EP400: variants seen among roughly 807,000 people sequenced by gnomAD.
EP400 encodes E1A binding protein p400.
Under a neutral mutation model 354.1 loss-of-function variants are expected in EP400, and 105 were observed. That is an observed-to-expected ratio of 0.30 (90% CI 0.25 to 0.35). EP400 has a LOEUF of 0.35. EP400 is among the 10% of genes least tolerant of loss of function. The pLI, the probability that EP400 is intolerant of heterozygous loss-of-function variation, is 1.00. For synonymous variants in EP400, 1,646 were observed against 1,716.9 expected (o/e 0.96, Z 1.02); for missense variants, 3,280 against 4,121.0 (o/e 0.80, Z 5.59).
intron 44 of EP400, 35 bp downstream of exon 44, chr12:132,055,054 C>A: frequency 4.3e-6 from 7 of 1,613,584 alleles, no homozygotes; most frequent in Non-Finnish European, 5.9e-6. Flanking sequence ...AATGTGGACC[C>A]CATTTCTCCT....
intron 2 of EP400, among the ~76,000 whole-genome samples, chr12:131,972,413 A>G (rs534971596): frequency 1.3e-5 from 2 of 152,224 alleles, no homozygotes; most frequent in South Asian, 4.1e-4. Context: ...TCGGCCTCCC[A>G]AAGTGCTGGG....
chr12:132,058,707 G>C (rs1261854029), intron 45 of EP400, among the ~76,000 whole-genome samples: 5 of 152,072 alleles, frequency 3.3e-5, no homozygotes, highest in South Asian at 2.1e-4. Context: ...TTAGAGCAGA[G>C]AGAAGTTCTA....
At chr12:131,970,015 C>T (rs1481772306) in intron 2 of EP400, among the ~76,000 whole-genome samples, 1 of 152,208 alleles carries the variant, frequency 6.6e-6, no homozygotes, top group Non-Finnish European at 1.5e-5. Context: ...TGCCACTGCA[C>T]TCCCTTGGGT....
chr12:132,064,792 A>C lies in EP400; in HGVS notation c.8459A>C (p.Gln2820Pro), dbSNP rs147294229. 71 of 1,612,874 alleles carry C rather than the reference A, an allele frequency of 4.4e-5. No homozygotes were observed. The Middle Eastern group carries it at 1.5e-3, about 34-fold the overall frequency. The change falls in exon 48 of 53, where the codon CAG becomes CCG. Residue 2820 changes from glutamine (Q) to proline (P), a missense_variant. Around this residue, in one of 20 missense-constraint regions of EP400, gnomAD observed 86 missense variants for 66.4 expected, o/e 1.29. Coordinates refer to ENST00000389561, the MANE Select transcript of EP400 (RefSeq NM_015409.5). Reference protein sequence around the residue: ...QVQVQTSQPPQQQSPQLTTVT... With the variant: ...QVQVQTSQPPPQQSPQLTTVT... ...CAAGTGCAGACCTCGCAGCCGCCGCAGCAGCAGAGCCCCCAGCTCACGACG... is the reference window on the plus strand; with the variant it reads ...CAAGTGCAGACCTCGCAGCCGCCGCCGCAGCAGAGCCCCCAGCTCACGACG...
At chr12:131,989,919 A>T in intron 7 of EP400, 45 bp from the exon 8 acceptor site, 1 of 1,589,106 alleles carries the variant, frequency 6.3e-7, no homozygotes, top group East Asian at 2.2e-5. Flanking sequence ...TTTTTCCAGC[A>T]TGACATAGAG....
rs1345078170 is a variant in EP400 at position 131,993,662 on chromosome 12, C to T, written c.2738-1205C>T. 2.0e-5 allele frequency among the ~76,000 whole-genome samples: 3 copies of T among 152,210 alleles called. No individual in the cohort carries two copies. In the East Asian group the frequency reaches 5.8e-4, roughly 29 times the overall value. ...GTTATGTGAACGTACAAAGTACTCA[C>T]CCAAACCTAGATGGTGCAGCCTGTG... On this transcript the variant is annotated intron_variant, in intron 11 of 52. Coordinates refer to ENST00000389561, the MANE Select transcript of EP400 (RefSeq NM_015409.5).
At position 132,029,909 on chromosome 12, in the gene EP400, C is replaced by G. The variant is rs79985228; in HGVS notation, c.5584+6C>G. 1.2e-6 allele frequency: 2 copies of G among 1,611,804 alleles called. No individual in the cohort carries two copies. Among genetic ancestry groups the G allele is most frequent in the Admixed American group, 3.3e-5 (2 of 60,012 alleles). ...GCTGGTGCAGTTCGACTCAGGTATG[C>G]GGCAGTTGGGGGCGTGGCCCGTGCG... On this transcript the variant is annotated splice_donor_region_variant and intron_variant, in intron 28 of 52. Transcript: ENST00000389561. The surrounding 1 kb of genome is among the most constrained non-coding windows in gnomAD (Gnocchi z 4.7).
In EP400 at chr12:131,994,118, TG is replaced by T. The variant is rs1394519866; in HGVS notation, c.2738-747del. 1.3e-5 allele frequency among the ~76,000 whole-genome samples: 2 copies of T among 151,810 alleles called. No individual in the cohort carries two copies. Among genetic ancestry groups the T allele is most frequent in the Non-Finnish European group, 2.9e-5 (2 of 67,976 alleles). On this transcript the variant is annotated intron_variant, in intron 11 of 52. Transcript: ENST00000389561. The surrounding 1 kb of genome is among the most constrained non-coding windows in gnomAD (Gnocchi z 4.6). ...GAGTACAGTCAGGAAAGGCAGCACC[TG>T]GAGGCCCAGCGACTTGTGTGGTTGG... is the stretch of plus-strand genomic sequence containing the variant.
In EP400 at chr12:132,021,299, G is replaced by A. The variant is rs770866693; in HGVS notation, c.4668G>A (p.Ser1556=). Residue 1556 remains serine, a synonymous_variant, in exon 23 of 53, where the codon TCG becomes TCA. Coordinates refer to ENST00000389561, the MANE Select transcript of EP400 (RefSeq NM_015409.5). ...SALPQRLVLP[S]QAQARLPSGE... ...TGCCTCAGAGGCTGGTGCTCCCCTCGCAGGCCCAGGCCCGCTTGCCCAGTA... is the reference window on the plus strand; with the variant it reads ...TGCCTCAGAGGCTGGTGCTCCCCTCACAGGCCCAGGCCCGCTTGCCCAGTA... 1.3e-4 allele frequency: 192 copies of A among 1,524,290 alleles called. No individual in the cohort carries two copies. Among genetic ancestry groups the A allele is most frequent in the Admixed American group, 1.4e-4 (7 of 49,606 alleles). The allele number at this position is 1,524,290 out of a possible 1,614,324, so 94.4% of individuals were successfully genotyped here.
At chr12:132,058,403 A>G (rs1895584445) in intron 45 of EP400, among the ~76,000 whole-genome samples, 2 of 145,840 alleles carry the variant, frequency 1.4e-5, no homozygotes, top group Admixed American at 6.9e-5. Context: ...CACCCAGGCT[A>G]AAGTGCAGTG....
intron 2 of EP400, among the ~76,000 whole-genome samples, chr12:131,962,728 CT>C (rs1006305438): frequency 1.5e-4 from 23 of 152,306 alleles, no homozygotes; most frequent in African/African-American, 5.3e-4. Flanking sequence ...CTGAGACTTC[CT>C]GAAAACCAGG....
intron 2 of EP400, among the ~76,000 whole-genome samples, chr12:131,979,451 C>T (rs889912236): frequency 3.3e-5 from 5 of 152,096 alleles, no homozygotes; most frequent in Non-Finnish European, 7.3e-5. Flanking sequence ...ATTTGAAATT[C>T]CATTAAAACC....
In EP400 at chr12:132,045,954, G is replaced by A. The variant is rs532833121; in HGVS notation, c.7200+54G>A. On this transcript the variant is annotated intron_variant, in intron 39 of 52. Transcript: ENST00000389561. Reference sequence around the variant, plus strand: ...GAGAGCACAGGCAGGTGTGGTGGCCGTGGCCTGCAGTTTCAGCTCCAGTCC... The same window carrying A: ...GAGAGCACAGGCAGGTGTGGTGGCCATGGCCTGCAGTTTCAGCTCCAGTCC... 144 of 1,586,722 alleles carry A rather than the reference G, an allele frequency of 9.1e-5. No homozygotes were observed. In the African/African-American group the frequency reaches 1.6e-3, roughly 18 times the overall value.
chr12:132,043,350 C>T lies in EP400; in HGVS notation c.6254C>T (p.Ala2085Val). 3 of 1,614,100 alleles carry T rather than the reference C, an allele frequency of 1.9e-6. No individual in the cohort carries two copies. Among genetic ancestry groups the T allele is most frequent in the Non-Finnish European group, 2.5e-6 (3 of 1,180,028 alleles). ...CTGGAGGAGGATGCCCAGAAGTCCG[C>T]ACAGGAGGGGGTGCTGGGACCACAC... ...EYLEEDAQKS[A>V]QEGVLGPHTD... The change falls in exon 33 of 53, where the codon GCA becomes GTA. Residue 2085 changes from alanine (A) to valine (V), a missense_variant. Coordinates refer to ENST00000389561, the MANE Select transcript of EP400 (RefSeq NM_015409.5).
Position 132,045,052 on chromosome 12 carries a change from C to A in EP400, c.6784+99C>A, listed in dbSNP as rs558790601. 79 of 1,511,658 alleles carry A rather than the reference C, an allele frequency of 5.2e-5. 1 individual carries two copies. In the East Asian group the frequency reaches 1.5e-3, roughly 30 times the overall value. The allele number at this position is 1,511,658 out of a possible 1,614,324, so 93.6% of individuals were successfully genotyped here. ...TGCTGTCTGCCTGTCTGCTGTCTGC[C>A]TGTCTGCTGCAGGGCTAGCGATCAC... On this transcript the variant is annotated intron_variant, in intron 37 of 52. Transcript: ENST00000389561.
chr12:131,963,688 C>T, intron 2 of EP400: 3 of 1,484,882 alleles, frequency 2.0e-6, no homozygotes, highest in Non-Finnish European at 2.8e-6. Flanking sequence ...CAAACTTTTC[C>T]TTCATCCAGA....
Position 131,981,519 on chromosome 12 carries a change from G to A in EP400, c.1466G>A (p.Gly489Asp). The A allele has an allele frequency of 6.3e-7, 1 of 1,593,244 alleles. No individual in the cohort carries two copies. The highest frequency in any genetic ancestry group is 8.5e-7 in the Non-Finnish European group (1 of 1,169,806). Residue 489 changes from glycine (G) to aspartate (D), a missense_variant, in exon 4 of 53, where the codon GGT (glycine) becomes GAT (aspartate). Gly to Asp is a moderately conservative substitution (Grantham distance 94, BLOSUM62 -1). This residue lies in a region of EP400 where 800 missense variants were observed against 840.0 expected (regional missense o/e 0.95). Coordinates refer to ENST00000389561, the MANE Select transcript of EP400 (RefSeq NM_015409.5). ...TCTAAGAGGCCTCGCCTTGAAGTGG[G>A]TCACCAAGGGGTAGTTTTCCAGCAC... is the stretch of plus-strand genomic sequence containing the variant. ...EQSKRPRLEV[G>D]HQGVVFQHPG...
chr12:132,075,887 T>G lies in EP400; in HGVS notation c.9022-629T>G. Reference sequence around the variant, plus strand: ...TCTCTTGTGTTCTGGGTGCACGCCATGACGGTGCTGATAGGACACACAGGT... The same window carrying G: ...TCTCTTGTGTTCTGGGTGCACGCCAGGACGGTGCTGATAGGACACACAGGT... On this transcript the variant is annotated intron_variant, in intron 51 of 52. Transcript: ENST00000389561. The surrounding 1 kb of genome is among the most constrained non-coding windows in gnomAD (Gnocchi z 4.5). The G allele has an allele frequency of 6.1e-6, 1 of 163,722 alleles. No individual in the cohort carries two copies. Among genetic ancestry groups the G allele is most frequent in the Non-Finnish European group, 1.3e-5 (1 of 74,138 alleles). The allele number at this position is 163,722 out of a possible 1,614,324, so 10.1% of individuals were successfully genotyped here. A position where few individuals can be genotyped will look rare whatever the true frequency, so the allele number is the denominator to read the frequency against.
intron 2 of EP400, among the ~76,000 whole-genome samples, chr12:131,976,017 C>G (rs1345999757): frequency 6.6e-6 from 1 of 152,142 alleles, no homozygotes; most frequent in African/African-American, 2.4e-5. Flanking sequence ...TTTCACATCT[C>G]CACACTGATG....
Sources: allele counts gnomAD v4.1 joint callset (sites outside exome capture counted in the v4.1 genomes callset), GRCh38; gene constraint gnomAD v4.1.1; regional missense constraint gnomAD v4.1.1; non-coding constraint Gnocchi (gnomAD v3.1); transcripts MANE v1.5; gene names NCBI Gene and HGNC (gene_info 2026-07-23, HGNC 2026-07-21).